FRMD3: variants seen among roughly 807,000 people sequenced by gnomAD.
FRMD3 encodes FERM domain containing 3.
Under a neutral mutation model 70.2 loss-of-function variants are expected in FRMD3, and 33 were observed. The ratio of observed to expected loss-of-function variants is 0.47; its 90% CI spans 0.36 to 0.63. FRMD3 has a LOEUF of 0.63. Among genes scored for constraint, FRMD3 ranks in the 20% least tolerant of loss-of-function variants. The pLI, the probability that FRMD3 is intolerant of heterozygous loss-of-function variation, is 0.00. For missense variants in FRMD3, 632 were observed against 711.4 expected, an observed-to-expected ratio of 0.89 and a Z score of 1.27; for synonymous variants, 279 against 255.9, an observed-to-expected ratio of 1.09 and a Z score of -0.86.
the FRMD3 span, among the ~76,000 whole-genome samples, chr9:83,553,952 T>C: frequency 6.6e-6 from 1 of 152,162 alleles, no homozygotes; most frequent in Non-Finnish European, 1.5e-5. Context: ...GTTACTGGAG[T>C]TCTTGCATCG....
chr9:83,456,993 T>C (rs1333753461), intron 1 of FRMD3, among the ~76,000 whole-genome samples: 1 of 151,546 alleles, frequency 6.6e-6, no homozygotes, highest in Non-Finnish European at 1.5e-5. Context: ...AAAAAATTAA[T>C]AAAAACAACG....
At chr9:83,574,213 G>C in the FRMD3 span, among the ~76,000 whole-genome samples, 2 of 152,140 alleles carry the variant, frequency 1.3e-5, no homozygotes, top group South Asian at 4.1e-4. Flanking sequence ...TATTTCTTTA[G>C]TGTAATTTCC....
chr9:83,409,688 T>A (rs947167874), intron 1 of FRMD3, among the ~76,000 whole-genome samples: 1 of 152,238 alleles, frequency 6.6e-6, no homozygotes, highest in African/African-American at 2.4e-5. Flanking sequence ...TAATACAGTC[T>A]CTCTGGTAGA....
chr9:83,315,737 C>T (rs1835543509), intron 6 of FRMD3, among the ~76,000 whole-genome samples: 1 of 152,142 alleles, frequency 6.6e-6, no homozygotes, highest in Admixed American at 6.5e-5. Flanking sequence ...TATAGCAATG[C>T]AAGAACAACT....
intron 13 of FRMD3, among the ~76,000 whole-genome samples, chr9:83,253,317 C>T (rs1293889264): frequency 5.9e-5 from 9 of 152,078 alleles, no homozygotes; most frequent in Admixed American, 4.6e-4. Context: ...TTCTTTGAAA[C>T]TAATGAGAAC....
intron 1 of FRMD3, among the ~76,000 whole-genome samples, chr9:83,503,257 A>AAG (rs1426977195): frequency 6.6e-6 from 1 of 152,168 alleles, no homozygotes; most frequent in African/African-American, 2.4e-5. Flanking sequence ...GGTGGGTCAT[A>AAG]TACCCTATAG....
At chr9:83,319,564 G>C (rs1483210197) in intron 6 of FRMD3, among the ~76,000 whole-genome samples, 1 of 152,174 alleles carries the variant, frequency 6.6e-6, no homozygotes, top group Non-Finnish European at 1.5e-5. Context: ...TGGGATTACA[G>C]GCATGTGCCA....
chr9:83,364,999 T>G (rs1824742611), intron 3 of FRMD3, among the ~76,000 whole-genome samples: 2 of 152,236 alleles, frequency 1.3e-5, no homozygotes, highest in Non-Finnish European at 2.9e-5. Context: ...ATTTTCACAT[T>G]TCTGGCTCTA....
At chr9:83,272,995 TCCG>T (rs1833651461) in intron 13 of FRMD3, among the ~76,000 whole-genome samples, 1 of 138,350 alleles carries the variant, frequency 7.2e-6, no homozygotes, top group African/African-American at 2.7e-5. Context: ...AGCCGCCCCG[TCCG>T]GGAGGGAGGT....
chr9:83,282,642 G>A (rs959528287), intron 13 of FRMD3, among the ~76,000 whole-genome samples: 2 of 151,998 alleles, frequency 1.3e-5, no homozygotes, highest in Non-Finnish European at 1.5e-5. Flanking sequence ...TTTTGTGGAT[G>A]AGGAAAATGA....
At chr9:83,484,023 C>T (rs1460523761) in intron 1 of FRMD3, among the ~76,000 whole-genome samples, 2 of 152,186 alleles carry the variant, frequency 1.3e-5, no homozygotes, top group Non-Finnish European at 2.9e-5. Flanking sequence ...TTGCTCAATT[C>T]TTCTCACTGA....
intron 13 of FRMD3, among the ~76,000 whole-genome samples, chr9:83,282,755 A>G (rs1834020800): frequency 6.6e-6 from 1 of 152,242 alleles, no homozygotes; most frequent in South Asian, 2.1e-4. Flanking sequence ...GACAGCAGCC[A>G]CCTGAACCAC....
chr9:83,505,984 C>A (rs984608314), intron 1 of FRMD3, among the ~76,000 whole-genome samples: 11 of 152,156 alleles, frequency 7.2e-5, no homozygotes, highest in African/African-American at 2.4e-5. Flanking sequence ...AGTCCCCCAA[C>A]AAGAACTTGT....
chr9:83,434,414 T>C (rs1413392757), intron 1 of FRMD3, among the ~76,000 whole-genome samples: 2 of 152,166 alleles, frequency 1.3e-5, no homozygotes, highest in African/African-American at 4.8e-5. Context: ...AACCTTGGTT[T>C]CCTTGACTGT....
At chr9:83,510,205 C>T (rs147417199) in intron 1 of FRMD3, among the ~76,000 whole-genome samples, 180 of 152,170 alleles carry the variant, frequency 1.2e-3, no homozygotes, top group Middle Eastern at 3.4e-3. Flanking sequence ...GTCTTCTCAC[C>T]GGTTCAAATG....
At chr9:83,258,043 A>G (rs1832800457) in intron 13 of FRMD3, among the ~76,000 whole-genome samples, 1 of 152,224 alleles carries the variant, frequency 6.6e-6, no homozygotes, top group African/African-American at 2.4e-5. Flanking sequence ...ATCAAAAAAT[A>G]CTGATGGAAA....
At chr9:83,555,335 C>T in the FRMD3 span, among the ~76,000 whole-genome samples, 5 of 151,802 alleles carry the variant, frequency 3.3e-5, no homozygotes, top group African/African-American at 1.2e-4. Context: ...CTGGAGGCCC[C>T]AGTTGGGAGG....
intron 9 of FRMD3, 115 bp downstream of exon 9, chr9:83,310,370 C>G (rs1835305466): frequency 1.2e-6 from 1 of 831,112 alleles, no homozygotes; most frequent in South Asian, 1.5e-5. Flanking sequence ...TTCATTATCA[C>G]CATACACTTC....
chr9:83,332,333 G>A (rs1014793007), intron 6 of FRMD3, among the ~76,000 whole-genome samples: 1 of 150,784 alleles, frequency 6.6e-6, no homozygotes, highest in Non-Finnish European at 1.5e-5. Flanking sequence ...TTAAAATCTT[G>A]GTCTTCTTAA....
Sources: allele counts gnomAD v4.1 joint callset (sites outside exome capture counted in the v4.1 genomes callset), GRCh38; gene constraint gnomAD v4.1.1; transcripts MANE v1.5; gene names NCBI Gene and HGNC (gene_info 2026-07-23, HGNC 2026-07-21).